MPP7: variants seen among roughly 807,000 people sequenced by gnomAD.
MPP7 encodes the protein MAGUK p55 scaffold protein 7, also known as MAGUK p55 subfamily member 7.
A neutral mutation model predicts 76.5 loss-of-function variants in MPP7; 60 were observed. The ratio of observed to expected loss-of-function variants is 0.78; its 90% confidence interval spans 0.64 to 0.97. The LOEUF (loss-of-function observed/expected upper bound fraction) is 0.97. MPP7 is among the 50% of genes least tolerant of loss of function. The pLI, the probability that MPP7 is intolerant of heterozygous loss-of-function variation, is 0.00. For synonymous variants in MPP7, 237 were observed against 244.5 expected (o/e 0.97, Z 0.29); for missense variants, 641 against 694.0 (o/e 0.92, Z 0.86).
chr10:28,227,517 C>A (rs1311855038), intron 2 of MPP7, among the ~76,000 whole-genome samples: 3 of 151,862 alleles, frequency 2.0e-5, no homozygotes, highest in Non-Finnish European at 4.4e-5. Context: ...CTCCTTGTAT[C>A]CATGTGATCT....
chr10:28,091,813 T>C (rs910624897), intron 11 of MPP7, among the ~76,000 whole-genome samples: 1 of 152,260 alleles, frequency 6.6e-6, no homozygotes, highest in Non-Finnish European at 1.5e-5. Context: ...CATTATTCCC[T>C]AAACAATAGA....
chr10:28,185,846 C>T (rs1427562504), intron 3 of MPP7, among the ~76,000 whole-genome samples: 2 of 152,180 alleles, frequency 1.3e-5, no homozygotes, highest in Non-Finnish European at 2.9e-5. Flanking sequence ...TTAAATCTAT[C>T]ATGTGAAATT....
intron 1 of MPP7, among the ~76,000 whole-genome samples, chr10:28,240,654 G>A (rs1268122146): frequency 6.6e-6 from 1 of 152,086 alleles, no homozygotes; most frequent in Non-Finnish European, 1.5e-5. Context: ...CACGTATGGA[G>A]CTGTTTTTTC....
chr10:28,166,048 T>C (rs1372724856), intron 3 of MPP7, among the ~76,000 whole-genome samples: 1 of 149,374 alleles, frequency 6.7e-6, no homozygotes, highest in Non-Finnish European at 1.5e-5. Context: ...AAAAAGAATT[T>C]AGTGTCCCAC....
chr10:28,184,471 G>A (rs755993503), intron 3 of MPP7, among the ~76,000 whole-genome samples: 57 of 149,288 alleles, frequency 3.8e-4, no homozygotes, highest in Non-Finnish European at 6.5e-4. Context: ...CACTTTGAGA[G>A]GCCGAGGTGG....
At chr10:28,116,975 T>TA (rs1834681007) in intron 11 of MPP7, among the ~76,000 whole-genome samples, 2 of 152,092 alleles carry the variant, frequency 1.3e-5, no homozygotes, top group Admixed American at 1.3e-4. Flanking sequence ...ACTAGAGCTC[T>TA]AGCACAAATA....
intron 1 of MPP7, among the ~76,000 whole-genome samples, chr10:28,255,814 G>A (rs1461733212): frequency 6.6e-6 from 1 of 152,138 alleles, no homozygotes; most frequent in African/African-American, 2.4e-5. Context: ...GAGGATCCAG[G>A]AGCACTCTCA....
intron 1 of MPP7, among the ~76,000 whole-genome samples, chr10:28,291,224 A>G (rs908012001): frequency 6.6e-6 from 1 of 152,252 alleles, no homozygotes; most frequent in African/African-American, 2.4e-5. Flanking sequence ...CGCAAAATAC[A>G]GCAACTGCTA....
intron 1 of MPP7, among the ~76,000 whole-genome samples, chr10:28,258,526 A>G (rs1328311879): frequency 2.6e-5 from 4 of 151,018 alleles, no homozygotes; most frequent in South Asian, 2.1e-4. Context: ...CAGCCTCCCA[A>G]GTAGCTGGGA....
chr10:28,322,077 G>A (rs1486278489), intron 2 of MPP7, among the ~76,000 whole-genome samples: 2 of 151,850 alleles, frequency 1.3e-5, no homozygotes, highest in Non-Finnish European at 2.9e-5. Flanking sequence ...TGCCACTTCA[G>A]GGCCATGTGA....
At chr10:28,240,961 G>GTA (rs1242093077) in intron 1 of MPP7, among the ~76,000 whole-genome samples, 2 of 152,016 alleles carry the variant, frequency 1.3e-5, no homozygotes, top group African/African-American at 2.4e-5. Context: ...ATATGTGTGT[G>GTA]TATATATATG....
At chr10:28,289,620 G>A (rs893564065) in intron 1 of MPP7, among the ~76,000 whole-genome samples, 2 of 152,134 alleles carry the variant, frequency 1.3e-5, no homozygotes, top group African/African-American at 4.8e-5. Flanking sequence ...GGCCACTATG[G>A]AGACTTTGCC....
At chr10:28,313,906 A>G (rs1342899515) in intron 2 of MPP7, among the ~76,000 whole-genome samples, 5 of 113,784 alleles carry the variant, frequency 4.4e-5, no homozygotes, top group Non-Finnish European at 8.4e-5. Context: ...GGGTTTTGCC[A>G]TGTTGCCCAG....
At chr10:28,251,878 A>C (rs953485099) in intron 1 of MPP7, among the ~76,000 whole-genome samples, 4 of 152,164 alleles carry the variant, frequency 2.6e-5, no homozygotes, top group African/African-American at 4.8e-5. Flanking sequence ...GCAACACAGT[A>C]ATGACCCCCA....
chr10:28,300,207 C>T (rs990480404), intron 1 of MPP7, among the ~76,000 whole-genome samples: 2 of 152,060 alleles, frequency 1.3e-5, no homozygotes, highest in African/African-American at 2.4e-5. Context: ...CTCCAGTAAG[C>T]GCCCCCCAGT....
intron 2 of MPP7, among the ~76,000 whole-genome samples, chr10:28,322,307 A>G (rs542005221): frequency 3.9e-4 from 59 of 152,290 alleles, no homozygotes; most frequent in African/African-American, 1.3e-3. Context: ...CTGAAGAAGT[A>G]GTATTAAAAG....
chr10:28,054,454 A>C (rs1470027012), intron 16 of MPP7, among the ~76,000 whole-genome samples: 2 of 152,168 alleles, frequency 1.3e-5, no homozygotes, highest in African/African-American at 4.8e-5. Context: ...GTAACAAAAA[A>C]CTACTCTGGC....
At chr10:28,203,452 C>T (rs973707171) in intron 2 of MPP7, among the ~76,000 whole-genome samples, 4 of 142,528 alleles carry the variant, frequency 2.8e-5, no homozygotes, top group Admixed American at 2.1e-4. Context: ...TAAATTGAAA[C>T]ATTTCTGGGG....
At chr10:28,166,722 T>A (rs12259869) in intron 3 of MPP7, among the ~76,000 whole-genome samples, 24,226 of 152,018 alleles carry the variant, frequency 0.16, 2,251 homozygotes, top group East Asian at 0.37. Context: ...TTTTAATTTT[T>A]AAAAAAAATC....
Sources: gnomAD v4.1 joint callset for allele counts (sites outside exome capture counted in the v4.1 genomes callset) on GRCh38, gnomAD v4.1.1 for gene constraint, MANE v1.5 for transcripts, NCBI Gene and HGNC (gene_info 2026-07-23, HGNC 2026-07-21) for gene names.